KCNQ1: variants seen among roughly 807,000 people sequenced by gnomAD.
KCNQ1 encodes potassium voltage-gated channel subfamily Q member 1, also known as potassium voltage-gated channel subfamily KQT member 1.
Under a neutral mutation model 72.4 loss-of-function variants are expected in KCNQ1, and 49 were observed. The ratio of observed to expected loss-of-function variants is 0.68; its 90% CI spans 0.54 to 0.86. The LOEUF (loss-of-function observed/expected upper bound fraction) is 0.86, where lower values mean the gene tolerates loss of function less well. Ranked by LOEUF, KCNQ1 falls within the 40% of genes least tolerant of loss-of-function variation. The probability of loss-of-function intolerance (pLI) is 0.00; values close to 1 mark genes in which losing one functional copy is unlikely to be tolerated. For missense variants in KCNQ1, 790 were observed against 945.1 expected, an observed-to-expected ratio of 0.84 and a Z score of 2.15; for synonymous variants, 450 against 412.6, an observed-to-expected ratio of 1.09 and a Z score of -1.10.
Position 2,845,133 on chromosome 11 carries a change from C to T in KCNQ1, c.1795-2634C>T, listed in dbSNP as rs372284279. ...GTGGGACTGAGAGGGCTGGTCCTGCCGGCAGCAGGAGCCACGGGGGTCAGG... is the reference window on the plus strand; with the variant it reads ...GTGGGACTGAGAGGGCTGGTCCTGCTGGCAGCAGGAGCCACGGGGGTCAGG... On this transcript the variant is annotated intron_variant, in intron 15 of 15. Transcript: ENST00000155840. Among the ~76,000 whole-genome samples the T allele has an allele frequency of 1.4e-4, 22 of 152,306 alleles. No homozygotes were observed. The East Asian group carries it at 2.1e-3, about 15-fold the overall frequency.
intron 6 of KCNQ1, among the ~76,000 whole-genome samples, chr11:2,574,328 C>T (rs1225476743): frequency 6.6e-6 from 1 of 152,198 alleles, no homozygotes; most frequent in East Asian, 1.9e-4. Context: ...CTGCCCTTGT[C>T]TACCGACCTC....
rs1848912287 is a variant in KCNQ1, at chr11:2,608,191, A to C, written c.1393+19337A>C. The C allele has an allele frequency of 5.1e-6, 2 of 388,432 alleles. No homozygotes were observed. The highest frequency in any genetic ancestry group is 9.1e-6 in the Non-Finnish European group (2 of 220,186). The allele number at this position is 388,432 out of a possible 1,614,324, so 24.1% of individuals were successfully genotyped here. ...TTTTTTGTTGTTGGAAGAGGTCATA[A>C]AGAATTGATATTCTTTAGATATTTG... On this transcript the variant is annotated intron_variant, in intron 10 of 15. Coordinates refer to ENST00000155840, the MANE Select transcript of KCNQ1 (RefSeq NM_000218.3). The surrounding 1 kb of genome is among the most constrained non-coding windows in gnomAD (Gnocchi z 4.6).
rs533088233 is a variant in KCNQ1 at position 2,748,718 on chromosome 11, C to T, written c.1515-20126C>T. Among the ~76,000 whole-genome samples the T allele has an allele frequency of 2.6e-5, 4 of 152,250 alleles. No homozygotes were observed. The highest frequency in any genetic ancestry group is 9.6e-5 in the African/African-American group (4 of 41,466). Reference sequence around the variant, plus strand: ...GGTCCAGCCAGCTGCTGCTGCCCCTCCCTCTGGGCCTCAAGACCATCTGTC... The same window carrying T: ...GGTCCAGCCAGCTGCTGCTGCCCCTTCCTCTGGGCCTCAAGACCATCTGTC... On this transcript the variant is annotated intron_variant, in intron 11 of 15. Coordinates refer to ENST00000155840, the MANE Select transcript of KCNQ1 (RefSeq NM_000218.3). The surrounding 1 kb of genome is among the most constrained non-coding windows in gnomAD (Gnocchi z 6.2).
intron 11 of KCNQ1, chr11:2,680,106 G>T (rs1187914350): frequency 1.0e-5 from 4 of 395,446 alleles, no homozygotes; most frequent in African/African-American, 8.3e-5. Flanking sequence ...TGGCCAGGCT[G>T]GTCTCAAACT....
At chr11:2,632,320 C>G (rs1849372693) in intron 10 of KCNQ1, 1 of 397,942 alleles carries the variant, frequency 2.5e-6, no homozygotes, top group African/African-American at 2.1e-5. Flanking sequence ...TATCTATGAA[C>G]AAACATAATT....
Position 2,479,515 on chromosome 11 carries a change from G to A in KCNQ1, c.386+34031G>A, listed in dbSNP as rs1415422503. Among the ~76,000 whole-genome samples, 1 of 152,232 alleles carries A rather than the reference G, an allele frequency of 6.6e-6. No individual in the cohort carries two copies. The highest frequency in any genetic ancestry group is 1.5e-5 in the Non-Finnish European group (1 of 68,048). On this transcript the variant is annotated intron_variant, in intron 1 of 15. Coordinates refer to ENST00000155840, the MANE Select transcript of KCNQ1 (RefSeq NM_000218.3). This position sits in a 1 kb window ranked among gnomAD's most constrained non-coding sequence, Gnocchi z 4.6. ...ACCCTCTGAAGCCACAGCCCAAGCT[G>A]TACCTTGACACCTTTTAGCTATGGC...
intron 15 of KCNQ1, among the ~76,000 whole-genome samples, chr11:2,779,824 G>A (rs536401013): frequency 2.0e-5 from 3 of 152,214 alleles, no homozygotes; most frequent in Non-Finnish European, 2.9e-5. Flanking sequence ...AGGTCGGTGT[G>A]GGGGCCTGCA....
At chr11:2,819,435 A>G (rs1210145053) in intron 15 of KCNQ1, among the ~76,000 whole-genome samples, 1 of 152,230 alleles carries the variant, frequency 6.6e-6, no homozygotes, top group Non-Finnish European at 1.5e-5. Flanking sequence ...AGTTGAAAAC[A>G]CACCTGAAAC....
rs1235080096 is a variant in KCNQ1 at position 2,482,297 on chromosome 11, CT to C, written c.386+36817del. ...AGACAACTCATTTGTATCTTCTTAC[CT>C]TTTGACACATGGCAGACATGTCTCA... is the stretch of plus-strand genomic sequence containing the variant. On this transcript the variant is annotated intron_variant, in intron 1 of 15. Coordinates refer to ENST00000155840, the MANE Select transcript of KCNQ1 (RefSeq NM_000218.3). The surrounding 1 kb of genome is among the most constrained non-coding windows in gnomAD (Gnocchi z 5.7). Among the ~76,000 whole-genome samples the C allele has an allele frequency of 1.3e-5, 2 of 152,152 alleles. No homozygotes were observed. The highest frequency in any genetic ancestry group is 2.9e-5 in the Non-Finnish European group (2 of 68,022).
In KCNQ1 at chr11:2,602,317, T is replaced by C. The variant is rs191564660; in HGVS notation, c.1393+13463T>C. Among the ~76,000 whole-genome samples, 49 of 151,984 alleles carry C rather than the reference T, an allele frequency of 3.2e-4. No homozygotes were observed. In the East Asian group the frequency reaches 8.9e-3, roughly 28 times the overall value. On this transcript the variant is annotated intron_variant, in intron 10 of 15. Coordinates refer to ENST00000155840, the MANE Select transcript of KCNQ1 (RefSeq NM_000218.3). The surrounding 1 kb of genome is among the most constrained non-coding windows in gnomAD (Gnocchi z 4.8). ...GCGTGTCTTGTTTTAAGCCACTAAG[T>C]TTGTGGAAATGTATTACAGCAGCCA...
chr11:2,598,661 A>G lies in KCNQ1; in HGVS notation c.1393+9807A>G, dbSNP rs2133773668. 6.6e-6 allele frequency among the ~76,000 whole-genome samples: 1 copy of G among 152,222 alleles called. No homozygotes were observed. The highest frequency in any genetic ancestry group is 1.5e-5 in the Non-Finnish European group (1 of 68,006). On this transcript the variant is annotated intron_variant, in intron 10 of 15. Transcript: ENST00000155840. This position sits in a 1 kb window ranked among gnomAD's most constrained non-coding sequence, Gnocchi z 6.2. Reference sequence around the variant, plus strand: ...CCAAATTCTGAGACAGGAAAATTAAATCTTCCTGTACAATTATGTTTCTAA... The same window carrying G: ...CCAAATTCTGAGACAGGAAAATTAAGTCTTCCTGTACAATTATGTTTCTAA...
At chr11:2,797,451 G>T (rs1281437854) in intron 15 of KCNQ1, among the ~76,000 whole-genome samples, 1 of 152,188 alleles carries the variant, frequency 6.6e-6, no homozygotes, top group Non-Finnish European at 1.5e-5. Flanking sequence ...TGTCATCAAG[G>T]TCGGGCTGGG....
At position 2,653,573 on chromosome 11, in the gene KCNQ1, G is replaced by C. The variant is rs1849791228; in HGVS notation, c.1394-8388G>C. On this transcript the variant is annotated intron_variant, in intron 10 of 15. Coordinates refer to ENST00000155840, the MANE Select transcript of KCNQ1 (RefSeq NM_000218.3). This position sits in a 1 kb window ranked among gnomAD's most constrained non-coding sequence, Gnocchi z 5.3. Reference sequence around the variant, plus strand: ...CTTCTCCCTTCCCGTTCCCTCTTTTGTTCTCCCTTTCCCTTGCTCTCTATC... The same window carrying C: ...CTTCTCCCTTCCCGTTCCCTCTTTTCTTCTCCCTTTCCCTTGCTCTCTATC... The C allele has an allele frequency of 2.5e-6, 1 of 398,628 alleles. No individual in the cohort carries two copies. The highest frequency in any genetic ancestry group is 2.1e-5 in the African/African-American group (1 of 48,690). The allele number at this position is 398,628 out of a possible 1,614,324, so 24.7% of individuals were successfully genotyped here.
At chr11:2,672,040 G>A (rs1554905184) in intron 11 of KCNQ1, 1 of 398,682 alleles carries the variant, frequency 2.5e-6, no homozygotes, top group Non-Finnish European at 4.4e-6. Flanking sequence ...GGCCCGGTCT[G>A]CACTCAAGCC....
intron 10 of KCNQ1, chr11:2,632,116 G>C (rs1255777478): frequency 2.6e-6 from 1 of 391,110 alleles, no homozygotes; most frequent in African/African-American, 2.1e-5. Flanking sequence ...TCGGGAGGCA[G>C]AGCTTGCAGT....
intron 11 of KCNQ1, among the ~76,000 whole-genome samples, chr11:2,739,680 G>C (rs762936067): frequency 1.3e-5 from 2 of 152,220 alleles, no homozygotes; most frequent in Non-Finnish European, 2.9e-5. Flanking sequence ...CACTGGGCCC[G>C]CAGAGCTCCA....
rs570781640 is a variant in KCNQ1 at position 2,670,250 on chromosome 11, G to C, written c.1514+8169G>C. On this transcript the variant is annotated intron_variant, in intron 11 of 15. Coordinates refer to ENST00000155840, the MANE Select transcript of KCNQ1 (RefSeq NM_000218.3). This position sits in a 1 kb window ranked among gnomAD's most constrained non-coding sequence, Gnocchi z 4.9. ...GCCTTTGACCCTGCACATGACGGGC[G>C]AGGGAAGAGGACCATGGTAGCTTGT... is the stretch of plus-strand genomic sequence containing the variant. 1 of 398,462 alleles carries C rather than the reference G, an allele frequency of 2.5e-6. No homozygotes were observed. Among genetic ancestry groups the C allele is most frequent in the Admixed American group, 4.4e-5 (1 of 22,710 alleles). The allele number at this position is 398,462 out of a possible 1,614,324, so 24.7% of individuals were successfully genotyped here.
chr11:2,511,770 C>T (rs372935499), intron 1 of KCNQ1, among the ~76,000 whole-genome samples: 25 of 152,330 alleles, frequency 1.6e-4, no homozygotes, highest in South Asian at 6.2e-4. Flanking sequence ...AATTGTGGCC[C>T]GGAAGGTTCT....
chr11:2,616,899 TG>T (rs1849074430), intron 10 of KCNQ1: 1 of 398,136 alleles, frequency 2.5e-6, no homozygotes, highest in African/African-American at 2.1e-5. Context: ...AGTTGGTTTA[TG>T]GTATTGTTCA....
Sources: gnomAD v4.1 joint callset for allele counts (sites outside exome capture counted in the v4.1 genomes callset) on GRCh38, gnomAD v4.1.1 for gene constraint, Gnocchi (gnomAD v3.1) non-coding constraint, MANE v1.5 for transcripts, NCBI Gene and HGNC (gene_info 2026-07-23, HGNC 2026-07-21) for gene names.